The following STK24 variants were observed in gnomAD, a reference collection of about 807,000 sequenced individuals.
STK24 encodes the protein serine/threonine kinase 24.
A neutral mutation model predicts 55.6 loss-of-function variants in STK24; 21 were observed. That is an observed-to-expected ratio of 0.38 (90% CI 0.27 to 0.54). STK24 has a LOEUF of 0.54. Among genes scored for constraint, STK24 ranks in the 20% least tolerant of loss-of-function variants. The probability of loss-of-function intolerance (pLI) is 0.79; values close to 1 mark genes in which losing one functional copy is unlikely to be tolerated. For synonymous variants in STK24, 200 were observed against 215.2 expected (o/e 0.93, Z 0.62); for missense variants, 383 against 538.4 (o/e 0.71, Z 2.86).
intron 1 of STK24, among the ~76,000 whole-genome samples, chr13:98,542,329 G>A (rs1207040060): frequency 2.0e-5 from 3 of 151,868 alleles, no homozygotes; most frequent in Admixed American, 6.6e-5. Context: ...CAACTCTCTC[G>A]TCTGTTAAGG....
rs1236592674 is a variant in STK24, at chr13:98,452,225, G to A, written c.*948C>T. 6.6e-6 allele frequency: 1 copy of A among 152,202 alleles called. No individual in the cohort carries two copies. Among genetic ancestry groups the A allele is most frequent in the Non-Finnish European group, 1.5e-5 (1 of 68,046 alleles). 9.4% of individuals were successfully genotyped at this position (152,202 alleles called of 1,614,324 possible). ...TTTTAGGTGGGAAAGATGATATGCAGAATCCACTACAAGGTGCAACAGAAA... is the reference window on the plus strand; with the variant it reads ...TTTTAGGTGGGAAAGATGATATGCAAAATCCACTACAAGGTGCAACAGAAA... On this transcript the variant is annotated 3_prime_UTR_variant, in exon 11 of 11. Coordinates refer to ENST00000539966, the MANE Select transcript of STK24 (RefSeq NM_001032296.4).
chr13:98,563,717 G>A (rs1594673242), intron 1 of STK24, among the ~76,000 whole-genome samples: 5 of 152,108 alleles, frequency 3.3e-5, no homozygotes, highest in East Asian at 3.9e-4. Context: ...AAAATTAGCC[G>A]GGCGTGGTGG....
chr13:98,538,774 C>A (rs1226545005), intron 1 of STK24, among the ~76,000 whole-genome samples: 2 of 152,192 alleles, frequency 1.3e-5, no homozygotes, highest in African/African-American at 4.8e-5. Flanking sequence ...CACCTGCCGC[C>A]TGACCTCCTA....
intron 1 of STK24, among the ~76,000 whole-genome samples, chr13:98,526,024 A>G (rs1896417681): frequency 6.6e-6 from 1 of 152,142 alleles, no homozygotes; most frequent in Non-Finnish European, 1.5e-5. Context: ...TTGGTTGGGT[A>G]AGTCAGGGTT....
intron 3 of STK24, among the ~76,000 whole-genome samples, chr13:98,476,605 G>A (rs1283938873): frequency 1.3e-5 from 2 of 152,252 alleles, no homozygotes; most frequent in Non-Finnish European, 2.9e-5. Flanking sequence ...GACAGAGCCC[G>A]ACAGTCCTTG....
chr13:98,557,050 C>T (rs1310765361), intron 1 of STK24, among the ~76,000 whole-genome samples: 1 of 152,150 alleles, frequency 6.6e-6, no homozygotes, highest in African/African-American at 2.4e-5. Context: ...ATGCTGCTGC[C>T]GTGTGGACAC....
chr13:98,469,399 A>G (rs1475095822), intron 5 of STK24, among the ~76,000 whole-genome samples: 2 of 152,056 alleles, frequency 1.3e-5, no homozygotes, highest in African/African-American at 2.4e-5. Context: ...AAATACAAAA[A>G]TCAGCCGGGC....
intron 2 of STK24, among the ~76,000 whole-genome samples, chr13:98,497,441 G>A (rs1895289270): frequency 6.6e-6 from 1 of 152,234 alleles, no homozygotes; most frequent in Admixed American, 6.5e-5. Context: ...CAATGTTTCT[G>A]TTCCCTTGTT....
intron 2 of STK24, among the ~76,000 whole-genome samples, chr13:98,495,182 C>A (rs892849302): frequency 2.6e-5 from 4 of 152,216 alleles, no homozygotes; most frequent in African/African-American, 4.8e-5. Context: ...ACTCAAATGC[C>A]TGGAAGTCAT....
At chr13:98,476,284 G>GT (rs1445047557) in intron 3 of STK24, among the ~76,000 whole-genome samples, 1 of 142,380 alleles carries the variant, frequency 7.0e-6, no homozygotes, top group Non-Finnish European at 1.5e-5. Flanking sequence ...GTCACAAACA[G>GT]TAATTCCACA....
intron 1 of STK24, among the ~76,000 whole-genome samples, chr13:98,545,317 A>T (rs902419879): frequency 6.6e-6 from 1 of 152,244 alleles, no homozygotes; most frequent in Non-Finnish European, 1.5e-5. Context: ...GCAGGGCAAC[A>T]TCTCAATTTT....
intron 1 of STK24, among the ~76,000 whole-genome samples, chr13:98,567,783 G>C (rs1897624830): frequency 6.6e-6 from 1 of 152,106 alleles, no homozygotes; most frequent in Admixed American, 6.5e-5. Flanking sequence ...ATAGCAACTT[G>C]GAGGTAGAGG....
intron 5 of STK24, among the ~76,000 whole-genome samples, chr13:98,469,568 G>A (rs926230725): frequency 6.6e-6 from 1 of 151,858 alleles, no homozygotes; most frequent in Non-Finnish European, 1.5e-5. Context: ...GGCGGGGGGA[G>A]GACATCCTAC....
At chr13:98,575,255 A>G (rs1417446866) in intron 1 of STK24, among the ~76,000 whole-genome samples, 3 of 152,196 alleles carry the variant, frequency 2.0e-5, no homozygotes, top group Non-Finnish European at 4.4e-5. Context: ...TGCATGCTAA[A>G]TTCAACGCTC....
chr13:98,498,187 AAG>A (rs1895322206), intron 2 of STK24, among the ~76,000 whole-genome samples: 1 of 152,216 alleles, frequency 6.6e-6, no homozygotes, highest in Admixed American at 6.5e-5. Context: ...GGATACTCGA[AAG>A]ACTTACAAGA....
intron 1 of STK24, among the ~76,000 whole-genome samples, chr13:98,529,062 T>C (rs1359061903): frequency 3.3e-5 from 5 of 152,118 alleles, no homozygotes; most frequent in Non-Finnish European, 7.4e-5. Context: ...TTTGGCCAAC[T>C]GGGCACGCAG....
chr13:98,547,566 A>G (rs1897058636), intron 1 of STK24, among the ~76,000 whole-genome samples: 1 of 152,172 alleles, frequency 6.6e-6, no homozygotes, highest in Non-Finnish European at 1.5e-5. Context: ...AAAATTAATG[A>G]CCAACTATGA....
intron 4 of STK24, 131 bp from the exon 5 acceptor site, chr13:98,475,109 G>C (rs756927361): frequency 9.6e-5 from 136 of 1,423,132 alleles, no homozygotes; most frequent in Non-Finnish European, 1.2e-4. Context: ...CTTTTTGTCA[G>C]ACCCCCTCAA....
chr13:98,463,206 C>T (rs922687665), intron 7 of STK24, among the ~76,000 whole-genome samples: 1 of 152,116 alleles, frequency 6.6e-6, no homozygotes, highest in Non-Finnish European at 1.5e-5. Context: ...ACAAATGGCT[C>T]CAGCCCCACT....
Sources: allele counts gnomAD v4.1 joint callset (sites outside exome capture counted in the v4.1 genomes callset), GRCh38; gene constraint gnomAD v4.1.1; transcripts MANE v1.5; gene names NCBI Gene and HGNC (gene_info 2026-07-23, HGNC 2026-07-21).